FHIT: variants seen among roughly 807,000 people sequenced by gnomAD.
FHIT encodes the protein bis(5'-adenosyl)-triphosphatase.
In FHIT, 19 loss-of-function variants were observed where a neutral mutation model predicts 17.9. The ratio of observed to expected loss-of-function variants is 1.06; its 90% CI spans 0.74 to 1.56. The LOEUF (loss-of-function observed/expected upper bound fraction) is 1.56. FHIT is among the 40% of genes most tolerant of loss of function. The pLI is 0.00. For missense variants in FHIT, 248 were observed against 189.2 expected (o/e 1.31, Z -1.82); for synonymous variants, 81 against 69.7 (o/e 1.16, Z -0.81).
At chr3:59,839,434 T>C (rs763883734) in intron 8 of FHIT, among the ~76,000 whole-genome samples, 4 of 152,148 alleles carry the variant, frequency 2.6e-5, no homozygotes, top group Non-Finnish European at 4.4e-5. Context: ...TCTCCCCAGA[T>C]ACATTGTAAC....
At chr3:60,782,233 G>A (rs1393460477) in intron 4 of FHIT, among the ~76,000 whole-genome samples, 13 of 133,130 alleles carry the variant, frequency 9.8e-5, no homozygotes, top group African/African-American at 3.4e-4. Flanking sequence ...GTGTGTGTGT[G>A]TGTGTATATA....
chr3:60,026,113 A>T (rs1700732444), intron 5 of FHIT, among the ~76,000 whole-genome samples: 1 of 152,224 alleles, frequency 6.6e-6, no homozygotes, highest in South Asian at 2.1e-4. Flanking sequence ...TTTTAAAAAC[A>T]GTCAAAGAAA....
intron 3 of FHIT, among the ~76,000 whole-genome samples, chr3:60,912,501 T>A (rs1706799348): frequency 6.6e-6 from 1 of 152,178 alleles, no homozygotes; most frequent in African/African-American, 2.4e-5. Context: ...AATATGCCAC[T>A]TTGGCATGAG....
intron 5 of FHIT, among the ~76,000 whole-genome samples, chr3:60,049,998 A>G (rs1701807328): frequency 6.6e-6 from 1 of 152,188 alleles, no homozygotes; most frequent in Non-Finnish European, 1.5e-5. Context: ...GTGGTTATAG[A>G]GCAGTGTTTC....
rs72887695 is a variant in FHIT, at chr3:60,613,480, A to G, written c.-17-76501T>C. 9.9e-3 allele frequency among the ~76,000 whole-genome samples: 1,505 copies of G among 152,236 alleles called. 33 individuals are homozygous for G. Among genetic ancestry groups the G allele is most frequent in the African/African-American group, 0.035 (1,446 of 41,532 alleles). ...AGTGAAGCTCAGGGTTTAGCAAGTTAACATGAAAACCCTAGCTCCTGAATG... is the reference window on the plus strand; with the variant it reads ...AGTGAAGCTCAGGGTTTAGCAAGTTGACATGAAAACCCTAGCTCCTGAATG... On this transcript the variant is annotated intron_variant, in intron 4 of 9. Coordinates refer to ENST00000492590, the MANE Select transcript of FHIT (RefSeq NM_002012.4).
intron 7 of FHIT, among the ~76,000 whole-genome samples, chr3:59,935,726 G>C (rs1366654618): frequency 6.6e-6 from 1 of 151,860 alleles, no homozygotes; most frequent in Non-Finnish European, 1.5e-5. Flanking sequence ...TGGATGGGTG[G>C]GTAGCTAGGT....
At chr3:60,680,779 A>G (rs1553696671) in intron 4 of FHIT, among the ~76,000 whole-genome samples, 3 of 152,204 alleles carry the variant, frequency 2.0e-5, no homozygotes, top group Non-Finnish European at 4.4e-5. Context: ...AAAGGCCATC[A>G]TACCATCAGT....
intron 8 of FHIT, among the ~76,000 whole-genome samples, chr3:59,787,812 G>A (rs959612504): frequency 3.3e-5 from 5 of 152,152 alleles, no homozygotes; most frequent in South Asian, 2.1e-4. Context: ...AAGGTCACTC[G>A]GTTCAGTTGG....
chr3:60,218,033 T>C lies in FHIT; in HGVS notation c.104-203881A>G, dbSNP rs149356164. 5.5e-3 allele frequency among the ~76,000 whole-genome samples: 831 copies of C among 152,272 alleles called. 4 individuals carry two copies. Among genetic ancestry groups the C allele is most frequent in the African/African-American group, 0.019 (795 of 41,558 alleles). On this transcript the variant is annotated intron_variant, in intron 5 of 9. Coordinates refer to ENST00000492590, the MANE Select transcript of FHIT (RefSeq NM_002012.4). The stretch of plus-strand genomic sequence containing the variant: ...AAAATTGTTAATTCTTGTTTAAAAA[T>C]GTTATCTTAATGTGCAAAATGTTTA...
At chr3:60,271,705 T>C (rs762770507) in intron 5 of FHIT, among the ~76,000 whole-genome samples, 1 of 152,208 alleles carries the variant, frequency 6.6e-6, no homozygotes, top group Non-Finnish European at 1.5e-5. Context: ...AAAAGTCCTA[T>C]ACTAAGCATT....
intron 5 of FHIT, among the ~76,000 whole-genome samples, chr3:60,119,068 A>G (rs1004939556): frequency 6.6e-6 from 1 of 151,662 alleles, no homozygotes; most frequent in African/African-American, 2.4e-5. Flanking sequence ...TATTTCTTCA[A>G]TTTTTAATTT....
intron 4 of FHIT, among the ~76,000 whole-genome samples, chr3:60,804,539 C>G (rs1396333558): frequency 1.3e-5 from 2 of 152,190 alleles, no homozygotes; most frequent in African/African-American, 4.8e-5. Flanking sequence ...AGAATATTAG[C>G]ACCTACATTA....
intron 5 of FHIT, among the ~76,000 whole-genome samples, chr3:60,292,983 C>A (rs1708055644): frequency 6.6e-6 from 1 of 152,126 alleles, no homozygotes; most frequent in South Asian, 2.1e-4. Flanking sequence ...TTAAAACATT[C>A]TCCATAGCAA....
intron 5 of FHIT, among the ~76,000 whole-genome samples, chr3:60,202,818 G>A (rs1010467530): frequency 5.3e-5 from 8 of 152,114 alleles, no homozygotes; most frequent in South Asian, 4.1e-4. Context: ...GTGGAGCCAT[G>A]ACAACCTGAG....
chr3:60,968,323 T>C (rs1709845803), intron 3 of FHIT, among the ~76,000 whole-genome samples: 1 of 152,090 alleles, frequency 6.6e-6, no homozygotes, highest in Admixed American at 6.6e-5. Flanking sequence ...GGGTCTCTAA[T>C]ATAATGATGA....
chr3:60,271,576 C>A (rs1160577015), intron 5 of FHIT, among the ~76,000 whole-genome samples: 1 of 152,108 alleles, frequency 6.6e-6, no homozygotes, highest in Non-Finnish European at 1.5e-5. Context: ...AATTTCAGTT[C>A]TTGATGTTAG....
chr3:61,069,966 C>T (rs763966206), intron 2 of FHIT, among the ~76,000 whole-genome samples: 8 of 152,140 alleles, frequency 5.3e-5, no homozygotes, highest in Admixed American at 2.0e-4. Flanking sequence ...GGCTGGAATG[C>T]AGTGGTGCGA....
chr3:61,188,646 C>A (rs1351948120), intron 2 of FHIT, among the ~76,000 whole-genome samples: 1 of 152,082 alleles, frequency 6.6e-6, no homozygotes, highest in Admixed American at 6.5e-5. Flanking sequence ...GAATTTTAGA[C>A]CAATATCCTT....
chr3:59,876,609 C>T (rs910511028), intron 8 of FHIT, among the ~76,000 whole-genome samples: 1 of 152,144 alleles, frequency 6.6e-6, no homozygotes, highest in South Asian at 2.1e-4. Context: ...GGGAGATAAG[C>T]CCCTGCTACA....
Sources: gnomAD v4.1 joint callset for allele counts (sites outside exome capture counted in the v4.1 genomes callset) on GRCh38, gnomAD v4.1.1 for gene constraint, MANE v1.5 for transcripts, NCBI Gene and HGNC (gene_info 2026-07-23, HGNC 2026-07-21) for gene names.